DSE: variants seen among roughly 807,000 people sequenced by gnomAD.
The protein encoded by DSE is dermatan sulfate epimerase, also known as dermatan-sulfate epimerase.
A neutral mutation model predicts 84.4 loss-of-function variants in DSE; 36 were observed. That is an observed-to-expected ratio of 0.43 (90% confidence interval 0.33 to 0.56). The LOEUF is 0.56. DSE is among the 20% of genes least tolerant of loss of function. DSE has a pLI of 0.06. For missense variants in DSE, 862 were observed against 1,169.6 expected (o/e 0.74, Z 3.84); for synonymous variants, 410 against 430.1 (o/e 0.95, Z 0.58).
At chr6:116,340,880 G>A (rs1777550714) in intron 2 of DSE, among the ~76,000 whole-genome samples, 2 of 152,144 alleles carry the variant, frequency 1.3e-5, no homozygotes, top group Non-Finnish European at 2.9e-5. Flanking sequence ...TCTTTATCCA[G>A]TCTATCAATG....
At chr6:116,358,561 G>A (rs1485045917) in intron 2 of DSE, among the ~76,000 whole-genome samples, 1 of 152,224 alleles carries the variant, frequency 6.6e-6, no homozygotes, top group Non-Finnish European at 1.5e-5. Flanking sequence ...TTGATGAGCT[G>A]ATAGCTTCTA....
In DSE at chr6:116,437,065, C is replaced by T; in HGVS notation, c.2597C>T (p.Thr866Ile). 6.2e-7 allele frequency: 1 copy of T among 1,614,036 alleles called. No homozygotes were observed. Among genetic ancestry groups the T allele is most frequent in the Non-Finnish European group, 8.5e-7 (1 of 1,180,004 alleles). ...GACCTTTTAGATTTTGCAGATGTAA[C>T]ATACGAGAAACATAAAAATGGGGGC... Reference protein sequence around the residue: ...MKDLLDFADVTYEKHKNGGLI... With the variant: ...MKDLLDFADVIYEKHKNGGLI... Residue 866 changes from threonine to isoleucine, a missense_variant, in exon 6 of 6, where the codon ACA (threonine) becomes ATA (isoleucine). Around this residue, in one of 4 missense-constraint regions of DSE, gnomAD observed 315 missense variants for 348.1 expected, o/e 0.90. Transcript: ENST00000644252.
chr6:116,295,619 T>G (rs1774614245), intron 2 of DSE, among the ~76,000 whole-genome samples: 1 of 152,204 alleles, frequency 6.6e-6, no homozygotes, highest in South Asian at 2.1e-4. Context: ...AGCAATAATG[T>G]GTCTCCTGGA....
intron 2 of DSE, among the ~76,000 whole-genome samples, chr6:116,303,005 A>G (rs1775129768): frequency 6.6e-6 from 1 of 152,042 alleles, no homozygotes; most frequent in South Asian, 2.1e-4. Flanking sequence ...GTCTATATAT[A>G]TCTGTTTTGG....
intron 2 of DSE, among the ~76,000 whole-genome samples, chr6:116,293,296 G>A (rs1316705527): frequency 2.9e-5 from 4 of 139,308 alleles, no homozygotes; most frequent in East Asian, 2.1e-4. Flanking sequence ...TTTTTGACAC[G>A]GAGTCTTGCT....
At chr6:116,428,639 T>C (rs1281430743) in intron 3 of DSE, among the ~76,000 whole-genome samples, 1 of 151,748 alleles carries the variant, frequency 6.6e-6, no homozygotes, top group African/African-American at 2.4e-5. Flanking sequence ...CAGAAGGAGG[T>C]AGAAATCAGT....
At chr6:116,317,195 A>G (rs930558886) in intron 2 of DSE, among the ~76,000 whole-genome samples, 1 of 152,226 alleles carries the variant, frequency 6.6e-6, no homozygotes, top group African/African-American at 2.4e-5. Flanking sequence ...GGAGTCACTC[A>G]TCTCATGGGA....
chr6:116,319,914 C>A (rs1413284511), intron 2 of DSE, among the ~76,000 whole-genome samples: 1 of 152,212 alleles, frequency 6.6e-6, no homozygotes, highest in Admixed American at 6.5e-5. Context: ...CCTACCCCCA[C>A]CTTCACAACT....
At chr6:116,342,321 C>A (rs1268699699) in intron 2 of DSE, among the ~76,000 whole-genome samples, 1 of 147,658 alleles carries the variant, frequency 6.8e-6, no homozygotes, top group Non-Finnish European at 1.5e-5. Flanking sequence ...GCTCTCTTGC[C>A]CAGAGCCAGA....
At chr6:116,328,958 TGCTTACTACGCCTGGCAGTTCC>T (rs1182448373) in intron 2 of DSE, among the ~76,000 whole-genome samples, 1 of 152,228 alleles carries the variant, frequency 6.6e-6, no homozygotes, top group Non-Finnish European at 1.5e-5. Flanking sequence ...AAGCCAGTTC[TGCTTACTACGCCTGGCAGTTCC>T]GCTTACTATG....
At chr6:116,313,765 G>A (rs150703863) in intron 2 of DSE, among the ~76,000 whole-genome samples, 56 of 152,092 alleles carry the variant, frequency 3.7e-4, no homozygotes, top group African/African-American at 1.2e-3. Context: ...TGGGTGAATC[G>A]GTTCATATAA....
chr6:116,310,569 C>A (rs1373981002), intron 2 of DSE, among the ~76,000 whole-genome samples: 2 of 152,134 alleles, frequency 1.3e-5, no homozygotes, highest in Non-Finnish European at 2.9e-5. Flanking sequence ...AGGAAAAAAA[C>A]CAAGGAGTCA....
chr6:116,283,242 A>G (rs1773654719), intron 2 of DSE, among the ~76,000 whole-genome samples: 1 of 152,364 alleles, frequency 6.6e-6, no homozygotes, highest in Non-Finnish European at 1.5e-5. Flanking sequence ...TACCAAAGTC[A>G]TACATAAAGT....
chr6:116,404,986 G>GTTT (rs34557502), intron 2 of DSE, among the ~76,000 whole-genome samples: 2 of 136,588 alleles, frequency 1.5e-5, no homozygotes, highest in Admixed American at 1.5e-4. Context: ...AAGTAATTGT[G>GTTT]TTTTTTTTTT....
chr6:116,341,283 T>C (rs996786890), intron 2 of DSE, among the ~76,000 whole-genome samples: 1 of 152,234 alleles, frequency 6.6e-6, no homozygotes, highest in African/African-American at 2.4e-5. Context: ...ATGTCTTCTT[T>C]TGAGAAGTGT....
chr6:116,363,531 G>T (rs989807134), intron 2 of DSE, among the ~76,000 whole-genome samples: 10 of 152,046 alleles, frequency 6.6e-5, no homozygotes, highest in Non-Finnish European at 1.3e-4. Context: ...GCAATAAAAA[G>T]ATGGAAATTT....
At chr6:116,285,615 T>C (rs11965820) in intron 2 of DSE, among the ~76,000 whole-genome samples, 30,337 of 152,156 alleles carry the variant, frequency 0.2, 3,285 homozygotes, top group East Asian at 0.29. Context: ...TCCTGAATGG[T>C]ATTGCCTAGG....
intron 2 of DSE, among the ~76,000 whole-genome samples, chr6:116,405,553 C>A (rs750560634): frequency 1.2e-4 from 19 of 152,222 alleles, no homozygotes; most frequent in Non-Finnish European, 2.4e-4. Flanking sequence ...CTGTTCTTTT[C>A]ATTCTGTGAC....
Position 116,436,855 on chromosome 6 carries a change from T to C in DSE, c.2387T>C (p.Ile796Thr). 1.2e-6 allele frequency: 2 copies of C among 1,614,084 alleles called. No individual in the cohort carries two copies. Among genetic ancestry groups the C allele is most frequent in the South Asian group, 1.1e-5 (1 of 91,068 alleles). Residue 796 changes from isoleucine to threonine, a missense_variant, in exon 6 of 6, where the codon ATA becomes ACA. Around this residue, in one of 4 missense-constraint regions of DSE, gnomAD observed 315 missense variants for 348.1 expected, o/e 0.90. Coordinates refer to ENST00000644252, the MANE Select transcript of DSE (RefSeq NM_013352.4). ...GAGGCCATTGACAGGATTTTTGCCATATCACAGCAACAGCAGCAGCAAAGC... is the reference window on the plus strand; with the variant it reads ...GAGGCCATTGACAGGATTTTTGCCACATCACAGCAACAGCAGCAGCAAAGC... ...TEEAIDRIFA[I>T]SQQQQQQSKS...
Sources: gnomAD v4.1 joint callset for allele counts (sites outside exome capture counted in the v4.1 genomes callset) on GRCh38, gnomAD v4.1.1 for gene constraint, gnomAD v4.1.1 regional missense constraint, MANE v1.5 for transcripts, NCBI Gene and HGNC (gene_info 2026-07-23, HGNC 2026-07-21) for gene names.